The following ZNF296 variants were observed in gnomAD, a reference collection of about 807,000 sequenced individuals.
The protein encoded by ZNF296 is zinc finger protein 342.
ZNF296 carries 1 observed loss-of-function variant against 13.2 expected under a neutral mutation model. That is an observed-to-expected ratio of 0.08 (90% CI 0.03 to 0.36). The LOEUF is 0.36. Among genes scored for constraint, ZNF296 ranks in the 10% least tolerant of loss-of-function variants. The pLI is 0.99. For missense variants in ZNF296, 555 were observed against 688.2 expected, an observed-to-expected ratio of 0.81 and a Z score of 2.16; for synonymous variants, 303 against 289.0, an observed-to-expected ratio of 1.05 and a Z score of -0.49.
rs1332866287 is a variant in ZNF296 at position 45,071,739 on chromosome 19, G to T, written c.1290C>A (p.Asn430Lys). ...NYACAQSSKL[N>K]RHRRMHGMTP... The stretch of plus-strand genomic sequence containing the variant: ...TCATGCCGTGCATGCGGCGGTGGCG[G>T]TTGAGCTTACTGCTCTGGGCGCAGG... The change falls in exon 3 of 3, where the codon AAC (asparagine) becomes AAA (lysine). Residue 430 changes from asparagine (N) to lysine (K), a missense_variant. Transcript: ENST00000303809. The T allele has an allele frequency of 1.2e-6, 2 of 1,608,796 alleles. No homozygotes were observed. Among genetic ancestry groups the T allele is most frequent in the African/African-American group, 2.7e-5 (2 of 74,804 alleles).
Sources: gnomAD v4.1 joint callset for allele counts on GRCh38, gnomAD v4.1.1 for gene constraint, MANE v1.5 for transcripts, NCBI Gene and HGNC (gene_info 2026-07-23, HGNC 2026-07-21) for gene names.